Variants in POMP observed in about 807,000 individuals in gnomAD.
The protein encoded by POMP is proteasome maturation protein.
A neutral mutation model predicts 20.6 loss-of-function variants in POMP; 12 were observed. The ratio of observed to expected loss-of-function variants is 0.58; its 90% confidence interval spans 0.37 to 0.94. The LOEUF is 0.94. Ranked by LOEUF, POMP falls within the 40% of genes least tolerant of loss-of-function variation. POMP has a pLI of 0.01. For synonymous variants in POMP, 53 were observed against 55.0 expected (o/e 0.96, Z 0.16); for missense variants, 136 against 161.1 (o/e 0.84, Z 0.84).
chr13:28,674,932 A>G (rs912941165), intron 5 of POMP, among the ~76,000 whole-genome samples: 1 of 151,872 alleles, frequency 6.6e-6, no homozygotes, highest in Non-Finnish European at 1.5e-5. Flanking sequence ...CCAGGTACTC[A>G]GGAGGCTGAG....
chr13:28,668,412 G>A, intron 3 of POMP, 61 bp from the exon 4 acceptor site: 1 of 1,204,366 alleles, frequency 8.3e-7, no homozygotes, highest in Non-Finnish European at 1.2e-6. Context: ...ATATGCCACT[G>A]CTAACTGTTT....
intron 2 of POMP, among the ~76,000 whole-genome samples, chr13:28,663,219 A>G: frequency 6.6e-6 from 1 of 152,218 alleles, no homozygotes. Flanking sequence ...GCTTAATAAA[A>G]TAAGGATAAC....
In POMP at chr13:28,672,255, TAAAG is replaced by T; in HGVS notation, c.265-81_265-78del. On this transcript the variant is annotated intron_variant, in intron 4 of 5. Coordinates refer to ENST00000380842, the MANE Select transcript of POMP (RefSeq NM_015932.6). ...GTTTTGCGAATTTTCAAACAAAGAA[TAAAG>T]AACATGAAATTAGACTATATATTCT... 4.4e-6 allele frequency: 5 copies of T among 1,134,326 alleles called. No homozygotes were observed. The South Asian group carries it at 6.2e-5, about 14-fold the overall frequency. 70.3% of individuals were successfully genotyped at this position (1,134,326 alleles called of 1,614,324 possible). A position where few individuals can be genotyped will look rare whatever the true frequency, so the allele number is the denominator to read the frequency against.
chr13:28,665,177 G>C (rs1285530501), intron 3 of POMP, among the ~76,000 whole-genome samples: 1 of 152,130 alleles, frequency 6.6e-6, no homozygotes, highest in African/African-American at 2.4e-5. Flanking sequence ...CTAAAGAGAG[G>C]ATAGCATGTA....
Position 28,678,834 on chromosome 13 carries a change from G to T in POMP, c.*732G>T, listed in dbSNP as rs1884675776. The T allele has an allele frequency of 6.6e-6, 1 of 152,126 alleles. No individual in the cohort carries two copies. Among genetic ancestry groups the T allele is most frequent in the African/African-American group, 2.4e-5 (1 of 41,436 alleles). The allele number at this position is 152,126 out of a possible 1,614,324, so 9.4% of individuals were successfully genotyped here. A position where few individuals can be genotyped will look rare whatever the true frequency, so the allele number is the denominator to read the frequency against. ...GATACTGTAAGGTATTCTTTATGAA[G>T]TTGATATATAAAAATTTACATTTTT... On this transcript the variant is annotated 3_prime_UTR_variant, in exon 6 of 6. Transcript: ENST00000380842.
chr13:28,660,287 TAC>T (rs1884310786), intron 1 of POMP, among the ~76,000 whole-genome samples: 1 of 152,234 alleles, frequency 6.6e-6, no homozygotes, highest in Non-Finnish European at 1.5e-5. Context: ...GTGAAATCCA[TAC>T]ACAGTCAGTA....
chr13:28,661,980 A>C (rs1884350054), intron 1 of POMP, among the ~76,000 whole-genome samples: 1 of 152,214 alleles, frequency 6.6e-6, no homozygotes, highest in Admixed American at 6.5e-5. Context: ...ATAACCTTTC[A>C]GAGGCTTTCA....
At position 28,673,173 on chromosome 13, in the gene POMP, C is replaced by G. The variant is rs572640608; in HGVS notation, c.358+741C>G. Among the ~76,000 whole-genome samples the G allele has an allele frequency of 1.1e-4, 17 of 151,378 alleles. No homozygotes were observed. The South Asian group carries it at 3.5e-3, about 31-fold the overall frequency. On this transcript the variant is annotated intron_variant, in intron 5 of 5. Transcript: ENST00000380842. Reference sequence around the variant, plus strand: ...GCAACTTCCGCCTCCTGAGTTCAAGCAATTCTCCTGCCTCAGCCTCCCAAG... The same window carrying G: ...GCAACTTCCGCCTCCTGAGTTCAAGGAATTCTCCTGCCTCAGCCTCCCAAG...
intron 3 of POMP, among the ~76,000 whole-genome samples, chr13:28,666,612 G>A (rs1252257498): frequency 1.7e-4 from 26 of 152,208 alleles, no homozygotes; most frequent in Admixed American, 1.7e-3. Context: ...CATGGATTGT[G>A]TAGTTGAACT....
chr13:28,662,708 T>G (rs1047473711), intron 2 of POMP, among the ~76,000 whole-genome samples: 13 of 152,240 alleles, frequency 8.5e-5, no homozygotes, highest in African/African-American at 3.1e-4. Context: ...GGTTCCCAAT[T>G]AGAGCATCCT....
chr13:28,670,872 C>T (rs917505178), intron 4 of POMP, among the ~76,000 whole-genome samples: 2 of 152,042 alleles, frequency 1.3e-5, no homozygotes, highest in African/African-American at 4.8e-5. Flanking sequence ...CATGGTGAAA[C>T]CCCGTCTCTA....
chr13:28,676,601 C>T (rs1299205025), intron 5 of POMP, among the ~76,000 whole-genome samples: 1 of 152,066 alleles, frequency 6.6e-6, no homozygotes, highest in South Asian at 2.1e-4. Flanking sequence ...AGTGTTAAGT[C>T]TATAATCAGA....
chr13:28,670,434 C>G (rs952813940), intron 4 of POMP, among the ~76,000 whole-genome samples: 9 of 152,194 alleles, frequency 5.9e-5, no homozygotes, highest in Non-Finnish European at 1.0e-4. Flanking sequence ...TTGCCCCTGT[C>G]AGACTTCATC....
rs113700624 is a variant in POMP, at chr13:28,672,232, T to G, written c.265-107T>G. 202 of 897,748 alleles carry G rather than the reference T, an allele frequency of 2.3e-4. No individual in the cohort carries two copies. In the African/African-American group the frequency reaches 2.9e-3, roughly 13 times the overall value. The allele number at this position is 897,748 out of a possible 1,614,324, so 55.6% of individuals were successfully genotyped here. On this transcript the variant is annotated intron_variant, in intron 4 of 5. Coordinates refer to ENST00000380842, the MANE Select transcript of POMP (RefSeq NM_015932.6). ...TTGTTAAATTGATCTTGTATTTGGT[T>G]TTGCGAATTTTCAAACAAAGAATAA...
intron 5 of POMP, among the ~76,000 whole-genome samples, chr13:28,672,820 A>G (rs1884573052): frequency 6.6e-6 from 1 of 152,204 alleles, no homozygotes; most frequent in Non-Finnish European, 1.5e-5. Context: ...GTGGTTATTC[A>G]CTTCATGTCC....
intron 3 of POMP, among the ~76,000 whole-genome samples, chr13:28,665,167 C>T (rs942744667): frequency 5.9e-5 from 9 of 152,006 alleles, no homozygotes; most frequent in Non-Finnish European, 1.3e-4. Context: ...AAGTTTACTC[C>T]TAAAGAGAGG....
At chr13:28,668,267 G>T (rs1884481162) in intron 3 of POMP, among the ~76,000 whole-genome samples, 1 of 151,988 alleles carries the variant, frequency 6.6e-6, no homozygotes, top group Admixed American at 6.6e-5. Flanking sequence ...TTTTACTCTG[G>T]TAAAAGTACA....
At chr13:28,659,297 G>A (rs1884290837) in intron 1 of POMP, 110 bp downstream of exon 1, 28 of 1,506,518 alleles carry the variant, frequency 1.9e-5, no homozygotes, top group Non-Finnish European at 2.4e-5. Flanking sequence ...CGGCGGCAGC[G>A]TGGGGCTGAG....
chr13:28,659,442 A>C lies in POMP; in HGVS notation c.3+255A>C, dbSNP rs530099379. 2.0e-5 allele frequency among the ~76,000 whole-genome samples: 3 copies of C among 152,186 alleles called. No homozygotes were observed. The East Asian group carries it at 5.8e-4, about 29-fold the overall frequency. ...CTCTTAGCTCGGTTTGCGCCCTTCC[A>C]TCCCTTAGACCCCAGCAGGCCCAGA... is the stretch of plus-strand genomic sequence containing the variant. On this transcript the variant is annotated intron_variant, in intron 1 of 5. Transcript: ENST00000380842.
Sources: allele counts gnomAD v4.1 joint callset (sites outside exome capture counted in the v4.1 genomes callset), GRCh38; gene constraint gnomAD v4.1.1; transcripts MANE v1.5; gene names NCBI Gene and HGNC (gene_info 2026-07-23, HGNC 2026-07-21).